AMER1: variants seen among roughly 807,000 people sequenced by gnomAD.
AMER1 encodes the protein APC membrane recruitment protein 1.
AMER1 carries 16 observed loss-of-function variants against 53.0 expected under a neutral mutation model. The ratio of observed to expected loss-of-function variants is 0.30; its 90% CI spans 0.20 to 0.46. The LOEUF is 0.46. AMER1 is among the 20% of genes least tolerant of loss of function. AMER1 has a pLI of 1.00. For synonymous variants in AMER1, 354 were observed against 331.9 expected (o/e 1.07, Z -0.73); for missense variants, 947 against 884.9 (o/e 1.07, Z -0.89).
At chrX:64,201,448 A>AACACACACACACACAC (rs532857666) in intron 1 of AMER1, among the ~76,000 whole-genome samples, 10 of 83,134 alleles carry the variant, frequency 1.2e-4, no homozygotes, top group African/African-American at 2.6e-4. Flanking sequence ...TCCTTCCCCC[A>AACACACACACACACAC]ACACACACAC....
In AMER1 at chrX:64,192,726, A is replaced by G. The variant is rs767210043; in HGVS notation, c.561T>C (p.Ala187=). 8 of 1,192,470 alleles carry G rather than the reference A, an allele frequency of 6.7e-6. No individual in the cohort carries two copies. In the African/African-American group the frequency reaches 1.1e-4, roughly 16 times the overall value. ...RRHRKSKVTG[A]EQSEPGAKGP... ...CCTTGGCCCCTGGCTCACTTTGCTCAGCCCCAGTGACCTTGCTCTTCCGGT... is the reference window on the plus strand; with the variant it reads ...CCTTGGCCCCTGGCTCACTTTGCTCGGCCCCAGTGACCTTGCTCTTCCGGT... Residue 187 remains alanine, a synonymous_variant, in exon 2 of 2, where the codon GCT becomes GCC. Coordinates refer to ENST00000374869, the MANE Select transcript of AMER1 (RefSeq NM_152424.4).
Position 64,189,793 on chromosome X carries a change from A to ACGGGGGGGCCCCC in AMER1, c.*85_*86insGGGGGCCCCCCCG. 2 of 292,073 alleles carry ACGGGGGGGCCCCC rather than the reference A, an allele frequency of 6.8e-6. No individual in the cohort carries two copies. Among genetic ancestry groups the ACGGGGGGGCCCCC allele is most frequent in the Non-Finnish European group, 9.8e-6 (2 of 204,831 alleles). 24.1% of individuals were successfully genotyped at this position (292,073 alleles called of 1,213,427 possible). On this transcript the variant is annotated 3_prime_UTR_variant, in exon 2 of 2. Transcript: ENST00000374869. Reference sequence around the variant, plus strand: ...CAAAGGGTTTTCAAGTTAAACAACAACCCCCACCCCCCCACCCTTCTGCCC... The same window carrying ACGGGGGGGCCCCC: ...CAAAGGGTTTTCAAGTTAAACAACAACGGGGGGGCCCCCCCCCCACCCCCCCACCCTTCTGCCC...
chrX:64,192,135 C>G lies in AMER1; in HGVS notation c.1152G>C (p.Glu384Asp), dbSNP rs778443722. 2 of 1,209,037 alleles carry G rather than the reference C, an allele frequency of 1.7e-6. No homozygotes were observed. Among genetic ancestry groups the G allele is most frequent in the African/African-American group, 3.5e-5 (2 of 57,151 alleles). ...LPDDDDEEEE[E>D]EEEVELEEEE... is the part of the protein sequence containing the mutation. ...CCTCCTCTAATTCCACCTCTTCTTC[C>G]TCTTCTTCCTCCTCGTCATCATCAT... is the stretch of plus-strand genomic sequence containing the variant. Residue 384 changes from glutamate (E) to aspartate (D), a missense_variant, in exon 2 of 2, where the codon GAG (glutamate) becomes GAC (aspartate). Physicochemically the swap from Glu to Asp is conservative, Grantham distance 45. Coordinates refer to ENST00000374869, the MANE Select transcript of AMER1 (RefSeq NM_152424.4).
rs373846183 is a variant in AMER1 at position 64,191,256 on chromosome X, G to T, written c.2031C>A (p.Ser677=). 25 of 1,209,941 alleles carry T rather than the reference G, an allele frequency of 2.1e-5. No homozygotes were observed. The highest frequency in any genetic ancestry group is 2.6e-5 in the Non-Finnish European group (23 of 895,117). ...AAGVSGTSQI[S]HRGITSAFPT... ...GGAAAGCTGAGGTAATTCCCCGGTG[G>T]GAAATCTGAGAGGTCCCTGATACCC... is the stretch of plus-strand genomic sequence containing the variant. The change falls in exon 2 of 2, where the codon TCC becomes TCA. Residue 677 remains serine, a synonymous_variant. Coordinates refer to ENST00000374869, the MANE Select transcript of AMER1 (RefSeq NM_152424.4).
chrX:64,189,111 T>C lies in AMER1; in HGVS notation c.*768A>G, dbSNP rs757385889. On this transcript the variant is annotated 3_prime_UTR_variant, in exon 2 of 2. Coordinates refer to ENST00000374869, the MANE Select transcript of AMER1 (RefSeq NM_152424.4). ...GCATTTTTGTCTTTAACCCAAGCTATGGCAGGACAGTTAAAAGGCCCCCAT... is the reference window on the plus strand; with the variant it reads ...GCATTTTTGTCTTTAACCCAAGCTACGGCAGGACAGTTAAAAGGCCCCCAT... The C allele has an allele frequency of 1.3e-6, 1 of 776,006 alleles. No individual in the cohort carries two copies. 64.0% of individuals were successfully genotyped at this position (776,006 alleles called of 1,213,427 possible).
intron 1 of AMER1, among the ~76,000 whole-genome samples, chrX:64,204,917 C>A (rs1467813314): frequency 8.8e-6 from 1 of 113,259 alleles, no homozygotes; most frequent in Non-Finnish European, 1.9e-5. Flanking sequence ...CTAGTTGGGG[C>A]CACAAGGCCA....
In AMER1 at chrX:64,186,559, G is replaced by A. The variant is rs983399261; in HGVS notation, c.*3320C>T. 2 of 776,862 alleles carry A rather than the reference G, an allele frequency of 2.6e-6. No individual in the cohort carries two copies. The highest frequency in any genetic ancestry group is 8.4e-5 in the Admixed American group (1 of 11,967). The allele number at this position is 776,862 out of a possible 1,213,427, so 64.0% of individuals were successfully genotyped here. A position where few individuals can be genotyped will look rare whatever the true frequency, so the allele number is the denominator to read the frequency against. ...GGGGGCTGAGGGCAGGTGGGGTGGT[G>A]GCACTGGCACAGGTAAGGAAAGCTG... On this transcript the variant is annotated 3_prime_UTR_variant, in exon 2 of 2. Transcript: ENST00000374869.
chrX:64,189,094 G>T lies in AMER1; in HGVS notation c.*785C>A. The T allele has an allele frequency of 1.3e-6, 1 of 791,363 alleles. No homozygotes were observed. Among genetic ancestry groups the T allele is most frequent in the Non-Finnish European group, 1.5e-6 (1 of 667,744 alleles). 65.2% of individuals were successfully genotyped at this position (791,363 alleles called of 1,213,427 possible). On this transcript the variant is annotated 3_prime_UTR_variant, in exon 2 of 2. Coordinates refer to ENST00000374869, the MANE Select transcript of AMER1 (RefSeq NM_152424.4). ...CTCCATCAAGGGGATTAGCATTTTT[G>T]TCTTTAACCCAAGCTATGGCAGGAC... is the stretch of plus-strand genomic sequence containing the variant.
chrX:64,196,790 G>A (rs1453690245), intron 1 of AMER1, among the ~76,000 whole-genome samples: 1 of 111,258 alleles, frequency 9.0e-6, no homozygotes, highest in Non-Finnish European at 1.9e-5. Context: ...CCTTAAACTG[G>A]TACTCTGTGT....
At chrX:64,204,537 G>A (rs897157036) in intron 1 of AMER1, among the ~76,000 whole-genome samples, 1 of 113,308 alleles carries the variant, frequency 8.8e-6, no homozygotes, top group Admixed American at 9.2e-5. Flanking sequence ...GGCTGGGTAT[G>A]TTAAGTAACT....
At chrX:64,201,572 A>T (rs1054541566) in intron 1 of AMER1, among the ~76,000 whole-genome samples, 4 of 111,640 alleles carry the variant, frequency 3.6e-5, no homozygotes, top group Non-Finnish European at 7.5e-5. Context: ...GGAATGAGTG[A>T]CACAGAAAGG....
In AMER1 at chrX:64,186,133, G is replaced by T; in HGVS notation, c.*3746C>A. On this transcript the variant is annotated 3_prime_UTR_variant, in exon 2 of 2. Coordinates refer to ENST00000374869, the MANE Select transcript of AMER1 (RefSeq NM_152424.4). ...ACAAGCTGTCTACCAGGTCCCACAC[G>T]CCTGAGTCACTTGGCGTTTGTCTTC... 1 of 1,209,828 alleles carries T rather than the reference G, an allele frequency of 8.3e-7. No homozygotes were observed. The highest frequency in any genetic ancestry group is 1.1e-6 in the Non-Finnish European group (1 of 894,161).
At position 64,189,793 on chromosome X, in the gene AMER1, A is replaced by AGGGGGGCCCCCCCCC; in HGVS notation, c.*85_*86insGGGGGGGGGCCCCCC. ...CAAAGGGTTTTCAAGTTAAACAACA[A>AGGGGGGCCCCCCCCC]CCCCCACCCCCCCACCCTTCTGCCC... On this transcript the variant is annotated 3_prime_UTR_variant, in exon 2 of 2. Transcript: ENST00000374869. 3.4e-6 allele frequency: 1 copy of AGGGGGGCCCCCCCCC among 292,063 alleles called. No homozygotes were observed. The highest frequency in any genetic ancestry group is 4.9e-6 in the Non-Finnish European group (1 of 204,821). The allele number at this position is 292,063 out of a possible 1,213,427, so 24.1% of individuals were successfully genotyped here. A position where few individuals can be genotyped will look rare whatever the true frequency, so the allele number is the denominator to read the frequency against.
chrX:64,194,865 T>C (rs1285759406), intron 1 of AMER1, among the ~76,000 whole-genome samples: 1 of 111,622 alleles, frequency 9.0e-6, no homozygotes, highest in African/African-American at 3.3e-5. Flanking sequence ...CAAACATTAA[T>C]TTTGTGCCTG....
intron 1 of AMER1, among the ~76,000 whole-genome samples, chrX:64,199,183 C>T (rs773600965): frequency 8.9e-6 from 1 of 112,379 alleles, no homozygotes; most frequent in African/African-American, 3.2e-5. Flanking sequence ...CTTCTCTCTC[C>T]TGTCCCAATT....
chrX:64,189,792 A>AGGGGGGGGCCCCCCCCCCCC lies in AMER1; in HGVS notation c.*86_*87insGGGGGGGGGGGGCCCCCCCC. 1 of 746,978 alleles carries AGGGGGGGGCCCCCCCCCCCC rather than the reference A, an allele frequency of 1.3e-6. No homozygotes were observed. The highest frequency in any genetic ancestry group is 1.7e-6 in the Non-Finnish European group (1 of 590,433). The allele number at this position is 746,978 out of a possible 1,213,427, so 61.6% of individuals were successfully genotyped here. A position where few individuals can be genotyped will look rare whatever the true frequency, so the allele number is the denominator to read the frequency against. ...CCAAAGGGTTTTCAAGTTAAACAAC[A>AGGGGGGGGCCCCCCCCCCCC]ACCCCCACCCCCCCACCCTTCTGCC... On this transcript the variant is annotated 3_prime_UTR_variant, in exon 2 of 2. Coordinates refer to ENST00000374869, the MANE Select transcript of AMER1 (RefSeq NM_152424.4).
chrX:64,191,379 T>C lies in AMER1; in HGVS notation c.1908A>G (p.Arg636=). The C allele has an allele frequency of 1.7e-6, 2 of 1,211,714 alleles. No individual in the cohort carries two copies. Among genetic ancestry groups the C allele is most frequent in the Non-Finnish European group, 2.2e-6 (2 of 895,480 alleles). ...CCTGGGTCTCTCGGACTTGAGTCTC[T>C]CTACAACGAACCTCTCGGGCCTGGG... ...REAQAREVRC[R]ETQVRETQAR... Residue 636 remains arginine (R), a synonymous_variant, in exon 2 of 2, where the codon AGA becomes AGG. Coordinates refer to ENST00000374869, the MANE Select transcript of AMER1 (RefSeq NM_152424.4).
At chrX:64,205,237 G>C (rs1402289297) in intron 1 of AMER1, among the ~76,000 whole-genome samples, 1 of 113,611 alleles carries the variant, frequency 8.8e-6, no homozygotes, top group African/African-American at 3.2e-5. Context: ...GGTGCTGGCT[G>C]GCGGCGCCCT....
rs1930095657 is a variant in AMER1 at position 64,185,911 on chromosome X, G to A, written c.*3968C>T. On this transcript the variant is annotated 3_prime_UTR_variant, in exon 2 of 2. Coordinates refer to ENST00000374869, the MANE Select transcript of AMER1 (RefSeq NM_152424.4). ...TTGAAACCCCCTTCCTTCCCCATTG[G>A]GTGGAGAATGTTCCCAAAATGCTCC... 8.0e-6 allele frequency: 3 copies of A among 373,558 alleles called. No individual in the cohort carries two copies. The highest frequency in any genetic ancestry group is 4.5e-5 in the Admixed American group (1 of 21,995). The allele number at this position is 373,558 out of a possible 1,213,427, so 30.8% of individuals were successfully genotyped here.
Sources: allele counts gnomAD v4.1 joint callset (sites outside exome capture counted in the v4.1 genomes callset), GRCh38; gene constraint gnomAD v4.1.1; transcripts MANE v1.5; gene names NCBI Gene and HGNC (gene_info 2026-07-23, HGNC 2026-07-21).